The following B4GALT1 variants were observed in gnomAD, a reference collection of about 807,000 sequenced individuals.
The protein encoded by B4GALT1 is beta-1,4-galactosyltransferase 1.
In B4GALT1, 16 loss-of-function variants were observed where a neutral mutation model predicts 34.9. That is an observed-to-expected ratio of 0.46 (90% CI 0.31 to 0.70). The LOEUF is 0.70. Ranked by LOEUF, B4GALT1 falls within the 30% of genes least tolerant of loss-of-function variation. The probability of loss-of-function intolerance (pLI) is 0.05; values close to 1 mark genes in which losing one functional copy is unlikely to be tolerated. For synonymous variants in B4GALT1, 221 were observed against 218.1 expected, an observed-to-expected ratio of 1.01 and a Z score of -0.12; for missense variants, 445 against 530.5, an observed-to-expected ratio of 0.84 and a Z score of 1.58.
At chr9:33,135,702 A>C (rs770944842) in intron 1 of B4GALT1, among the ~76,000 whole-genome samples, 20 of 152,020 alleles carry the variant, frequency 1.3e-4, no homozygotes, top group Non-Finnish European at 1.9e-4. Flanking sequence ...CCCCGCTCTG[A>C]CTCCACTGTA....
intron 1 of B4GALT1, among the ~76,000 whole-genome samples, chr9:33,146,363 G>C (rs1289306862): frequency 6.6e-6 from 1 of 152,224 alleles, no homozygotes; most frequent in Non-Finnish European, 1.5e-5. Context: ...TTTAGAACTA[G>C]AGCGCTTCCA....
upstream of B4GALT1, among the ~76,000 whole-genome samples, chr9:33,170,395 T>A (rs1291229912): frequency 2.0e-5 from 3 of 152,140 alleles, no homozygotes; most frequent in Admixed American, 2.0e-4. Context: ...TTGGTAAAGG[T>A]GAAGCTGACC....
In B4GALT1 at chr9:33,111,930, T is replaced by C. The variant is rs1399938960; in HGVS notation, c.*1524A>G. 6.6e-6 allele frequency: 1 copy of C among 152,616 alleles called. No individual in the cohort carries two copies. The highest frequency in any genetic ancestry group is 1.5e-5 in the Non-Finnish European group (1 of 68,056). The allele number at this position is 152,616 out of a possible 1,614,324, so 9.5% of individuals were successfully genotyped here. ...AGGAGGCTTTAGGCACCGAAGTTCTTGGGAGGGAGTTGGGGTGTGGGTTCG... is the reference window on the plus strand; with the variant it reads ...AGGAGGCTTTAGGCACCGAAGTTCTCGGGAGGGAGTTGGGGTGTGGGTTCG... On this transcript the variant is annotated 3_prime_UTR_variant, in exon 6 of 6. Transcript: ENST00000379731.
rs1473855920 is a variant in B4GALT1, at chr9:33,120,420, T to C, written c.835A>G (p.Ser279Gly). 1 of 1,612,688 alleles carries C rather than the reference T, an allele frequency of 6.2e-7. No individual in the cohort carries two copies. The highest frequency in any genetic ancestry group is 8.5e-7 in the Non-Finnish European group (1 of 1,179,986). ...AGATTCTGACTGAGTATCTCTTACC[T>C]GAATCCAAACTTATCCATTGCAACG... ...ISVAMDKFGF[S>G]LPYVQYFGGV... Residue 279 changes from serine (S) to glycine (G), a missense_variant and splice_region_variant, in exon 3 of 6, where the codon AGC becomes GGC. Around this residue, in one of 3 missense-constraint regions of B4GALT1, gnomAD observed 349 missense variants for 395.5 expected, o/e 0.88. Transcript: ENST00000379731.
chr9:33,128,443 A>C (rs1291978805), intron 2 of B4GALT1, among the ~76,000 whole-genome samples: 1 of 152,148 alleles, frequency 6.6e-6, no homozygotes, highest in African/African-American at 2.4e-5. Context: ...TTCCCAGAAC[A>C]ATGTCCATGG....
At chr9:33,105,063 G>T (rs1235218832) in intron 2 of B4GALT1, among the ~76,000 whole-genome samples, 1 of 151,794 alleles carries the variant, frequency 6.6e-6, no homozygotes, top group South Asian at 2.1e-4. Context: ...CAAGTGATCC[G>T]CCCACCTTGG....
intron 2 of B4GALT1, among the ~76,000 whole-genome samples, chr9:33,123,448 G>A (rs976828113): frequency 1.3e-5 from 2 of 152,110 alleles, no homozygotes; most frequent in Admixed American, 6.5e-5. Context: ...TGACAATCTT[G>A]TAACAACCCT....
intron 1 of B4GALT1, among the ~76,000 whole-genome samples, chr9:33,140,497 A>G (rs928483211): frequency 6.5e-5 from 4 of 61,462 alleles, no homozygotes; most frequent in African/African-American, 3.7e-4. Flanking sequence ...ATTTAATTTA[A>G]AAAAAAAATC....
Position 33,135,354 on chromosome 9 carries a change from C to T in B4GALT1, c.483G>A (p.Val161=). ...LELVAKQNPN[V]KMGGRYAPRD... is the part of the protein sequence containing the mutation. ...TGGGGGCATAGCGGCCGCCCATCTT[C>T]ACATTTGGGTTCTGCTTTGCCACGA... Residue 161 remains valine, a synonymous_variant, in exon 2 of 6, where the codon GTG becomes GTA. Transcript: ENST00000379731. 1 of 1,614,210 alleles carries T rather than the reference C, an allele frequency of 6.2e-7. No individual in the cohort carries two copies. Among genetic ancestry groups the T allele is most frequent in the Non-Finnish European group, 8.5e-7 (1 of 1,180,034 alleles).
At chr9:33,121,752 A>T (rs145460431) in intron 2 of B4GALT1, among the ~76,000 whole-genome samples, 1 of 152,108 alleles carries the variant, frequency 6.6e-6, no homozygotes, top group East Asian at 1.9e-4. Context: ...TTCTCACACA[A>T]TAAGAGCTCA....
rs549484395 is a variant in B4GALT1, at chr9:33,136,463, C to T, written c.413-1039G>A. Among the ~76,000 whole-genome samples, 6 of 152,252 alleles carry T rather than the reference C, an allele frequency of 3.9e-5. No individual in the cohort carries two copies. The South Asian group carries it at 6.2e-4, about 16-fold the overall frequency. Reference sequence around the variant, plus strand: ...ATACTCTCTGCAGACCAGACCGCCTCAAAATGGGTTCCAGAAAACATCAGA... The same window carrying T: ...ATACTCTCTGCAGACCAGACCGCCTTAAAATGGGTTCCAGAAAACATCAGA... On this transcript the variant is annotated intron_variant, in intron 1 of 5. Coordinates refer to ENST00000379731, the MANE Select transcript of B4GALT1 (RefSeq NM_001497.4).
intron 1 of B4GALT1, among the ~76,000 whole-genome samples, chr9:33,147,529 GA>G (rs60722783): frequency 0.19 from 29,475 of 152,038 alleles, 3,167 homozygotes; most frequent in East Asian, 0.49. Flanking sequence ...TTACAGGCAT[GA>G]GCCCCCATGC....
rs1465533797 is a variant in B4GALT1 at position 33,110,734 on chromosome 9, C to T, written c.*2720G>A. On this transcript the variant is annotated 3_prime_UTR_variant, in exon 6 of 6. Transcript: ENST00000379731. ...TTGAACACCAAGATCAGACACAGCC[C>T]CCTACACAATGGTAAATACACACAT... The T allele has an allele frequency of 6.6e-6, 1 of 152,146 alleles. No individual in the cohort carries two copies. The highest frequency in any genetic ancestry group is 1.5e-5 in the Non-Finnish European group (1 of 68,028). The allele number at this position is 152,146 out of a possible 1,614,324, so 9.4% of individuals were successfully genotyped here.
intron 2 of B4GALT1, among the ~76,000 whole-genome samples, chr9:33,127,811 T>C (rs1840135136): frequency 6.6e-6 from 1 of 152,260 alleles, no homozygotes; most frequent in Non-Finnish European, 1.5e-5. Flanking sequence ...ACACACAGCA[T>C]GAGCTCAACT....
intron 1 of B4GALT1, among the ~76,000 whole-genome samples, chr9:33,145,033 C>T (rs924209202): frequency 1.3e-5 from 2 of 152,154 alleles, no homozygotes; most frequent in East Asian, 1.9e-4. Context: ...TTCTGCCAGA[C>T]GAGGTCTTCA....
At chr9:33,168,128 C>T (rs1840799710), upstream of B4GALT1, among the ~76,000 whole-genome samples, 1 of 152,316 alleles carries the variant, frequency 6.6e-6, no homozygotes, top group African/African-American at 2.4e-5. Context: ...TACCCACTGT[C>T]CCATGAAGTA....
In B4GALT1 at chr9:33,166,743, G is replaced by A; in HGVS notation, c.412+15C>T. 2.7e-6 allele frequency: 4 copies of A among 1,496,032 alleles called. No individual in the cohort carries two copies. Among genetic ancestry groups the A allele is most frequent in the Non-Finnish European group, 3.5e-6 (4 of 1,130,122 alleles). The allele number at this position is 1,496,032 out of a possible 1,614,324, so 92.7% of individuals were successfully genotyped here. A position where few individuals can be genotyped will look rare whatever the true frequency, so the allele number is the denominator to read the frequency against. ...GGGTCCCAATCCTCCGACTGGCGCC[G>A]ACCCGAGTCCTTACCAAGCAGCGGG... On this transcript the variant is annotated intron_variant, in intron 1 of 5. Transcript: ENST00000379731.
At chr9:33,156,745 A>G (rs759659680) in intron 1 of B4GALT1, among the ~76,000 whole-genome samples, 2 of 152,220 alleles carry the variant, frequency 1.3e-5, no homozygotes, top group African/African-American at 2.4e-5. Context: ...CCAACAGAAT[A>G]TAAGTTTCTA....
chr9:33,153,534 TCCC>T (rs1587747277), intron 1 of B4GALT1, among the ~76,000 whole-genome samples: 1 of 152,100 alleles, frequency 6.6e-6, no homozygotes, highest in East Asian at 1.9e-4. Flanking sequence ...AGAGGGACTA[TCCC>T]TACACCAACT....
Sources: gnomAD v4.1 joint callset for allele counts (sites outside exome capture counted in the v4.1 genomes callset) on GRCh38, gnomAD v4.1.1 for gene constraint, gnomAD v4.1.1 regional missense constraint, MANE v1.5 for transcripts, NCBI Gene and HGNC (gene_info 2026-07-23, HGNC 2026-07-21) for gene names.